SOX30: variants seen among roughly 807,000 people sequenced by gnomAD.
SOX30 encodes SRY-box transcription factor 30.
A neutral mutation model predicts 58.6 loss-of-function variants in SOX30; 17 were observed. The observed-to-expected ratio is 0.29, with a 90% CI of 0.20 to 0.44. The LOEUF is 0.44. Among genes scored for constraint, SOX30 ranks in the 20% least tolerant of loss-of-function variants. SOX30 has a pLI of 1.00. For missense variants in SOX30, 951 were observed against 965.8 expected (o/e 0.98, Z 0.20); for synonymous variants, 421 against 400.2 (o/e 1.05, Z -0.62).
In SOX30 at chr5:157,651,653, C is replaced by T. The variant is rs2113850483; in HGVS notation, c.426G>A (p.Leu142=). The change falls in exon 1 of 5, where the codon CTG becomes CTA. Residue 142 remains leucine (L), a synonymous_variant. Transcript: ENST00000265007. ...ALHVKAKKQK[L]GPSLDQSVGP... The stretch of plus-strand genomic sequence containing the variant: ...CCACTGACTGATCCAGGCTGGGCCC[C>T]AGCTTCTGCTTCTTGGCCTTGACAT... The T allele has an allele frequency of 3.7e-6, 6 of 1,611,860 alleles. No homozygotes were observed. Among genetic ancestry groups the T allele is most frequent in the Non-Finnish European group, 5.1e-6 (6 of 1,179,600 alleles).
chr5:157,648,047 C>G (rs1293973616), intron 2 of SOX30, among the ~76,000 whole-genome samples: 1 of 152,176 alleles, frequency 6.6e-6, no homozygotes, highest in Non-Finnish European at 1.5e-5. Flanking sequence ...TTACTAGAAC[C>G]TCTCTGCCAA....
chr5:157,649,018 C>A, intron 1 of SOX30, 122 bp from the exon 2 acceptor site: 1 of 1,299,750 alleles, frequency 7.7e-7, no homozygotes, highest in Non-Finnish European at 1.0e-6. Flanking sequence ...ATATACACTT[C>A]AATATAACCA....
chr5:157,643,990 A>C (rs6866972), intron 3 of SOX30, among the ~76,000 whole-genome samples: 25,283 of 152,140 alleles, frequency 0.17, 2,406 homozygotes, highest in African/African-American at 0.25. Flanking sequence ...AATAATATAA[A>C]GCCAAGTTGA....
chr5:157,667,894 T>C, intron 1 of SOX30: 1 of 1,529,952 alleles, frequency 6.5e-7, no homozygotes, highest in Non-Finnish European at 8.7e-7. Context: ...TGAGCACCTA[T>C]GACCTGCAAG....
chr5:157,641,282 G>A (rs1363147828), intron 3 of SOX30, among the ~76,000 whole-genome samples: 1 of 152,086 alleles, frequency 6.6e-6, no homozygotes, highest in African/African-American at 2.4e-5. Context: ...TACTAAATGT[G>A]AGTGACAGAG....
At chr5:157,665,661 ATATT>A (rs1006555908) in intron 2 of SOX30, among the ~76,000 whole-genome samples, 16 of 147,782 alleles carry the variant, frequency 1.1e-4, no homozygotes, top group African/African-American at 3.7e-4. Context: ...AAATATATAA[ATATT>A]TAAATAAATA....
At chr5:157,641,349 A>C (rs546511005) in intron 3 of SOX30, among the ~76,000 whole-genome samples, 2 of 152,336 alleles carry the variant, frequency 1.3e-5, no homozygotes, top group Admixed American at 1.3e-4. Flanking sequence ...GTGGTGGCTT[A>C]TGCCTGTAAT....
intron 2 of SOX30, among the ~76,000 whole-genome samples, chr5:157,667,203 C>G (rs1160745563): frequency 1.3e-5 from 2 of 152,274 alleles, no homozygotes; most frequent in South Asian, 2.1e-4. Context: ...CTGCCCCAGA[C>G]TCCTATGAAA....
At position 157,646,731 on chromosome 5, in the gene SOX30, G is replaced by C. The variant is rs1258965288; in HGVS notation, c.1293C>G (p.Ile431Met). The stretch of plus-strand genomic sequence containing the variant: ...AAACTGTTGTAGGATTTGTAGAGAT[G>C]ATATTCTGTGTGGTACCAGAAAATA... ...SNVFSGTTQN[I>M]ISTNPTTVYP... is the part of the protein sequence containing the mutation. Residue 431 changes from isoleucine (I) to methionine (M), a missense_variant, in exon 3 of 5, where the codon ATC (isoleucine) becomes ATG (methionine). Coordinates refer to ENST00000265007, the MANE Select transcript of SOX30 (RefSeq NM_178424.2). 6.2e-7 allele frequency: 1 copy of C among 1,612,524 alleles called. No individual in the cohort carries two copies. Among genetic ancestry groups the C allele is most frequent in the Admixed American group, 1.7e-5 (1 of 60,020 alleles).
At chr5:157,659,579 A>G (rs1759540278) in intron 2 of SOX30, among the ~76,000 whole-genome samples, 1 of 152,246 alleles carries the variant, frequency 6.6e-6, no homozygotes, top group Non-Finnish European at 1.5e-5. Context: ...TCTATGTACT[A>G]TAAACCAAAA....
intron 3 of SOX30, among the ~76,000 whole-genome samples, chr5:157,641,400 G>A (rs1054120083): frequency 3.9e-5 from 6 of 152,128 alleles, no homozygotes; most frequent in Non-Finnish European, 5.9e-5. Context: ...ATCGACTGAG[G>A]TCAGAGGTTC....
In SOX30 at chr5:157,652,096, C is replaced by G; in HGVS notation, c.-18G>C. The stretch of plus-strand genomic sequence containing the variant: ...CTCTCCATGGGGGAGGGGGACGCCC[C>G]GGCCAGGATTGTGAGCTCAGCCGTT... On this transcript the variant is annotated 5_prime_UTR_variant, in exon 1 of 5. Coordinates refer to ENST00000265007, the MANE Select transcript of SOX30 (RefSeq NM_178424.2). 1 of 1,393,944 alleles carries G rather than the reference C, an allele frequency of 7.2e-7. No homozygotes were observed. The highest frequency in any genetic ancestry group is 2.8e-5 in the East Asian group (1 of 35,266). 86.3% of individuals were successfully genotyped at this position (1,393,944 alleles called of 1,614,324 possible).
Position 157,638,339 on chromosome 5 carries a change from C to T in SOX30, c.1771G>A (p.Val591Ile). The change falls in exon 4 of 5, where the codon GTC becomes ATC. Residue 591 changes from valine (V) to isoleucine (I), a missense_variant. This residue lies in a region of SOX30 where 381 missense variants were observed against 390.0 expected (regional missense o/e 0.98). Coordinates refer to ENST00000265007, the MANE Select transcript of SOX30 (RefSeq NM_178424.2). ...PQASPIPHPH[V>I]YQPPPLGHPA... Reference sequence around the variant, plus strand: ...TGGCCAAGGGGAGGGGGCTGGTAGACATGTGGGTGTGGAATGGGAGAAGCC... The same window carrying T: ...TGGCCAAGGGGAGGGGGCTGGTAGATATGTGGGTGTGGAATGGGAGAAGCC... The T allele has an allele frequency of 6.2e-7, 1 of 1,612,786 alleles. No individual in the cohort carries two copies.
At chr5:157,636,200 C>T (rs1212693401) in intron 4 of SOX30, among the ~76,000 whole-genome samples, 1 of 152,218 alleles carries the variant, frequency 6.6e-6, no homozygotes, top group Non-Finnish European at 1.5e-5. Flanking sequence ...CTCTTCTTCA[C>T]CTATCCTGTG....
At chr5:157,627,474 A>T (rs190608902) in intron 4 of SOX30, among the ~76,000 whole-genome samples, 34 of 152,302 alleles carry the variant, frequency 2.2e-4, no homozygotes, top group Non-Finnish European at 4.6e-4. Flanking sequence ...TTGGGGGGGA[A>T]ATGTATAACT....
At chr5:157,663,402 GC>G (rs1201617040) in intron 2 of SOX30, among the ~76,000 whole-genome samples, 1 of 152,076 alleles carries the variant, frequency 6.6e-6, no homozygotes, top group Non-Finnish European at 1.5e-5. Context: ...AAATTCAACA[GC>G]CCTTCATGCT....
chr5:157,658,248 GGCCAA>G (rs1233233217), intron 2 of SOX30, among the ~76,000 whole-genome samples: 1 of 152,132 alleles, frequency 6.6e-6, no homozygotes, highest in Admixed American at 6.5e-5. Context: ...CAACTAATCA[GGCCAA>G]TTATAGTAAA....
chr5:157,631,062 TATATATACAC>T (rs1561578538), intron 4 of SOX30, among the ~76,000 whole-genome samples: 3 of 80,636 alleles, frequency 3.7e-5, no homozygotes, highest in African/African-American at 1.2e-4. Flanking sequence ...TATATATATA[TATATATACAC>T]ACAATATATG....
chr5:157,639,031 A>G (rs1758998338), intron 3 of SOX30, among the ~76,000 whole-genome samples: 1 of 152,204 alleles, frequency 6.6e-6, no homozygotes, highest in Non-Finnish European at 1.5e-5. Flanking sequence ...CTGGGGCAGA[A>G]GAGGCCCTCA....
Sources: allele counts gnomAD v4.1 joint callset (sites outside exome capture counted in the v4.1 genomes callset), GRCh38; gene constraint gnomAD v4.1.1; regional missense constraint gnomAD v4.1.1; transcripts MANE v1.5; gene names NCBI Gene and HGNC (gene_info 2026-07-23, HGNC 2026-07-21).